Variants in ELAVL4 observed in about 807,000 individuals in gnomAD.
The protein encoded by ELAVL4 is ELAV like RNA binding protein 4.
A neutral mutation model predicts 35.6 loss-of-function variants in ELAVL4; 1 was observed. That is an observed-to-expected ratio of 0.03 (90% CI 0.01 to 0.13). The LOEUF is 0.13. ELAVL4 is among the 10% of genes least tolerant of loss of function. The pLI, the probability that ELAVL4 is intolerant of heterozygous loss-of-function variation, is 1.00. For synonymous variants in ELAVL4, 156 were observed against 171.0 expected, an observed-to-expected ratio of 0.91 and a Z score of 0.69; for missense variants, 267 against 464.9, an observed-to-expected ratio of 0.57 and a Z score of 3.91.
chr1:50,103,661 A>G (rs1354788571), upstream of ELAVL4, among the ~76,000 whole-genome samples: 1 of 152,204 alleles, frequency 6.6e-6, no homozygotes, highest in Non-Finnish European at 1.5e-5. Flanking sequence ...TGATGACGCT[A>G]TTTAAATGGT....
At chr1:50,157,699 G>A (rs757204875) in intron 2 of ELAVL4, among the ~76,000 whole-genome samples, 2 of 152,212 alleles carry the variant, frequency 1.3e-5, no homozygotes, top group Non-Finnish European at 2.9e-5. Context: ...CAGGCTGTTT[G>A]TGAAAATAGC....
At chr1:50,177,777 G>C (rs1395441012) in intron 3 of ELAVL4, among the ~76,000 whole-genome samples, 1 of 152,148 alleles carries the variant, frequency 6.6e-6, no homozygotes, top group East Asian at 1.9e-4. Context: ...CAGTGTAATA[G>C]GGATGGGTAC....
intron 1 of ELAVL4, among the ~76,000 whole-genome samples, chr1:50,078,142 G>GTA (rs764094104): frequency 5.5e-5 from 8 of 145,708 alleles, no homozygotes; most frequent in African/African-American, 2.0e-4. Flanking sequence ...GTGTGTGTGT[G>GTA]TATATAGTAT....
At chr1:50,091,895 T>C (rs1245281694) in intron 1 of ELAVL4, among the ~76,000 whole-genome samples, 2 of 152,148 alleles carry the variant, frequency 1.3e-5, no homozygotes, top group Non-Finnish European at 2.9e-5. Flanking sequence ...TCGCTTAAGG[T>C]CTGTGAGACA....
upstream of ELAVL4, chr1:50,103,986 A>C (rs751170050): frequency 4.3e-6 from 7 of 1,613,920 alleles, no homozygotes; most frequent in Admixed American, 6.7e-5. Flanking sequence ...AGCCGGCTAC[A>C]GTCATATGGA....
intron 1 of ELAVL4, among the ~76,000 whole-genome samples, chr1:50,070,249 C>T (rs1046398815): frequency 1.3e-5 from 2 of 152,170 alleles, no homozygotes; most frequent in Non-Finnish European, 2.9e-5. Flanking sequence ...TAGAATAAAA[C>T]TTCAAAGGCC....
At chr1:50,104,133 T>C, upstream of ELAVL4, 2 of 923,712 alleles carry the variant, frequency 2.2e-6, no homozygotes, top group Non-Finnish European at 3.5e-6. Context: ...TTTTCCTTTG[T>C]GCAGCTTCAT....
chr1:50,145,419 T>C (rs1673529142), intron 2 of ELAVL4, among the ~76,000 whole-genome samples: 1 of 152,228 alleles, frequency 6.6e-6, no homozygotes, highest in Non-Finnish European at 1.5e-5. Flanking sequence ...TTCATCTTCA[T>C]GTAAAATGAT....
intron 1 of ELAVL4, among the ~76,000 whole-genome samples, chr1:50,094,963 C>A (rs999864845): frequency 6.6e-6 from 1 of 151,736 alleles, no homozygotes; most frequent in African/African-American, 2.4e-5. Context: ...AAAAATTATT[C>A]GGAGGAAGAT....
At chr1:50,134,165 G>A (rs1220629744) in intron 1 of ELAVL4, among the ~76,000 whole-genome samples, 2 of 152,166 alleles carry the variant, frequency 1.3e-5, no homozygotes, top group African/African-American at 2.4e-5. Flanking sequence ...TTTAGATCAT[G>A]ATACATATGT....
At chr1:50,200,825 G>C (rs1644357424) in intron 6 of ELAVL4, 26 bp from the exon 7 acceptor site, 3 of 1,605,256 alleles carry the variant, frequency 1.9e-6, no homozygotes, top group Non-Finnish European at 2.6e-6. Flanking sequence ...GTCTGGACCA[G>C]TCCCCCCTTC....
At chr1:50,091,757 C>T (rs1665505465) in intron 1 of ELAVL4, among the ~76,000 whole-genome samples, 1 of 152,208 alleles carries the variant, frequency 6.6e-6, no homozygotes, top group Non-Finnish European at 1.5e-5. Context: ...ACAACATTTT[C>T]TTCTAAGCAC....
chr1:50,085,328 CACAGAGAATGTAAT>C (rs1203600738), intron 1 of ELAVL4, among the ~76,000 whole-genome samples: 1 of 152,184 alleles, frequency 6.6e-6, no homozygotes, highest in Non-Finnish European at 1.5e-5. Context: ...TTTGAGGTCA[CACAGAGAATGTAAT>C]ACAGAGAACA....
Position 50,182,304 on chromosome 1 carries a change from A to G in ELAVL4, c.354+5112A>G, listed in dbSNP as rs149752037. ...TCAAATTACATTGAGAACCTTCAGT[A>G]AAAAGTGATCCAAAATGGAATGTGA... On this transcript the variant is annotated intron_variant, in intron 3 of 6. Transcript: ENST00000371824. Among the ~76,000 whole-genome samples, 135 of 152,374 alleles carry G rather than the reference A, an allele frequency of 8.9e-4. 1 individual carries two copies. Among genetic ancestry groups the G allele is most frequent in the Middle Eastern group, 3.4e-3 (1 of 294 alleles).
At chr1:50,079,839 C>A (rs1234592533) in intron 1 of ELAVL4, among the ~76,000 whole-genome samples, 1 of 152,152 alleles carries the variant, frequency 6.6e-6, no homozygotes, top group East Asian at 1.9e-4. Flanking sequence ...TGAGTTGATT[C>A]TGTGTTTTTA....
At chr1:50,109,318 A>T in intron 1 of ELAVL4, 120 bp downstream of exon 1, 1 of 1,033,010 alleles carries the variant, frequency 9.7e-7, no homozygotes, top group South Asian at 1.6e-5. Context: ...TTTGGTTCCT[A>T]CATTTACTAT....
intron 3 of ELAVL4, among the ~76,000 whole-genome samples, chr1:50,185,177 G>T (rs966013662): frequency 6.6e-6 from 1 of 152,158 alleles, no homozygotes; most frequent in African/African-American, 2.4e-5. Context: ...CAGCCTCTGG[G>T]CAGGATGGCT....
intron 1 of ELAVL4, among the ~76,000 whole-genome samples, chr1:50,142,292 C>A (rs899163633): frequency 2.0e-5 from 3 of 152,148 alleles, no homozygotes; most frequent in African/African-American, 7.2e-5. Context: ...CTCTACCTCC[C>A]AGGTTCAAGT....
chr1:50,121,456 G>T (rs1379255027), intron 1 of ELAVL4, among the ~76,000 whole-genome samples: 1 of 152,066 alleles, frequency 6.6e-6, no homozygotes, highest in Non-Finnish European at 1.5e-5. Flanking sequence ...AAGTATCATT[G>T]GGTGGTACTT....
Sources: gnomAD v4.1 joint callset for allele counts (sites outside exome capture counted in the v4.1 genomes callset) on GRCh38, gnomAD v4.1.1 for gene constraint, MANE v1.5 for transcripts, NCBI Gene and HGNC (gene_info 2026-07-23, HGNC 2026-07-21) for gene names.